Variants in CYRIB observed in about 807,000 individuals in gnomAD.
CYRIB encodes the protein CYFIP related Rac1 interactor B.
Under a neutral mutation model 44.2 loss-of-function variants are expected in CYRIB, and 8 were observed. The ratio of observed to expected loss-of-function variants is 0.18; its 90% CI spans 0.11 to 0.33. The LOEUF is 0.33. CYRIB is among the 10% of genes least tolerant of loss of function. The pLI, the probability that CYRIB is intolerant of heterozygous loss-of-function variation, is 1.00. For synonymous variants in CYRIB, 131 were observed against 127.2 expected, an observed-to-expected ratio of 1.03 and a Z score of -0.20; for missense variants, 185 against 382.8, an observed-to-expected ratio of 0.48 and a Z score of 4.31.
intron 1 of CYRIB, among the ~76,000 whole-genome samples, chr8:129,971,342 C>T (rs764493864): frequency 1.4e-4 from 22 of 152,184 alleles, no homozygotes; most frequent in African/African-American, 1.9e-4. Flanking sequence ...ATCCACCAGC[C>T]TTGACCTCCC....
At chr8:129,933,896 A>AG (rs1163942495) in intron 1 of CYRIB, among the ~76,000 whole-genome samples, 1 of 150,362 alleles carries the variant, frequency 6.7e-6, no homozygotes, top group Non-Finnish European at 1.5e-5. Context: ...ACAAAAAAAA[A>AG]AAGAAGAAGA....
intron 2 of CYRIB, among the ~76,000 whole-genome samples, chr8:129,950,180 A>G (rs895671237): frequency 6.6e-6 from 1 of 152,178 alleles, no homozygotes; most frequent in Non-Finnish European, 1.5e-5. Flanking sequence ...CTGTTTTAAT[A>G]TTCAAACTCG....
At chr8:129,926,174 T>C (rs1239312109) in intron 1 of CYRIB, among the ~76,000 whole-genome samples, 1 of 152,212 alleles carries the variant, frequency 6.6e-6, no homozygotes, top group Non-Finnish European at 1.5e-5. Flanking sequence ...TTCTAAATTT[T>C]CCATGAAAAG....
intron 5 of CYRIB, among the ~76,000 whole-genome samples, chr8:129,859,504 G>A (rs1317379773): frequency 6.6e-6 from 1 of 152,112 alleles, no homozygotes; most frequent in East Asian, 1.9e-4. Flanking sequence ...AGTCTGCTAA[G>A]TAGCGGGTGT....
At chr8:129,847,962 C>T (rs1305260079) in intron 10 of CYRIB, among the ~76,000 whole-genome samples, 4 of 151,982 alleles carry the variant, frequency 2.6e-5, no homozygotes, top group Non-Finnish European at 4.4e-5. Flanking sequence ...CCACCACACC[C>T]AGCTAATTTT....
At chr8:129,853,848 C>A (rs1339620722) in intron 7 of CYRIB, among the ~76,000 whole-genome samples, 1 of 152,176 alleles carries the variant, frequency 6.6e-6, no homozygotes, top group African/African-American at 2.4e-5. Context: ...CCATTAATTT[C>A]TTGGAGGAAA....
chr8:130,014,995 G>C (rs531972234), intron 1 of CYRIB, among the ~76,000 whole-genome samples: 1 of 152,190 alleles, frequency 6.6e-6, no homozygotes, highest in African/African-American at 2.4e-5. Flanking sequence ...TCAAAATGAC[G>C]CCTTCTTTTT....
intron 6 of CYRIB, 157 bp downstream of exon 8, chr8:129,855,454 G>A: frequency 4.6e-6 from 3 of 652,152 alleles, no homozygotes; most frequent in South Asian, 2.5e-5. Flanking sequence ...TGTATCAAAA[G>A]ACCCGTCATT....
intron 4 of CYRIB, among the ~76,000 whole-genome samples, chr8:129,870,567 GATATGGAATGTATGCCCC>G (rs1336296539): frequency 1.2e-4 from 19 of 152,288 alleles, no homozygotes; most frequent in South Asian, 2.1e-4. Context: ...AATCAAGGTG[GATATGGAATGTATGCCCC>G]ATATGGAATG....
chr8:130,010,218 C>G (rs1386178808), intron 1 of CYRIB, among the ~76,000 whole-genome samples: 1 of 152,186 alleles, frequency 6.6e-6, no homozygotes, highest in Non-Finnish European at 1.5e-5. Flanking sequence ...AGTGCCTAGT[C>G]CCCTGATGAA....
chr8:129,901,805 A>T (rs2072233599), intron 2 of CYRIB: 1 of 152,222 alleles, frequency 6.6e-6, no homozygotes, highest in African/African-American at 2.4e-5. Flanking sequence ...TGCACACAAC[A>T]TCTATTTAAA....
intron 4 of CYRIB, among the ~76,000 whole-genome samples, chr8:129,864,065 C>A (rs1319333648): frequency 1.3e-5 from 2 of 152,202 alleles, no homozygotes; most frequent in Non-Finnish European, 2.9e-5. Context: ...AACGGATGCT[C>A]TGAACAAATT....
upstream of CYRIB, among the ~76,000 whole-genome samples, chr8:129,943,592 C>CTTTTTTTTT (rs1172470025): frequency 1.0e-5 from 1 of 96,188 alleles, no homozygotes; most frequent in Non-Finnish European, 1.9e-5. Context: ...GAGACTCCAT[C>CTTTTTTTTT]TTTTTTTTTT....
chr8:129,877,478 T>C (rs1370179678), intron 3 of CYRIB, among the ~76,000 whole-genome samples: 3 of 152,006 alleles, frequency 2.0e-5, no homozygotes, highest in African/African-American at 7.3e-5. Flanking sequence ...TGAAACCCCA[T>C]CTCTACCAAA....
At chr8:129,869,092 G>T (rs192282683) in intron 4 of CYRIB, among the ~76,000 whole-genome samples, 4 of 148,670 alleles carry the variant, frequency 2.7e-5, no homozygotes, top group Non-Finnish European at 6.0e-5. Flanking sequence ...AAATAAAGAA[G>T]AAAGAAAAAA....
At chr8:129,946,952 C>T (rs961949583) in intron 2 of CYRIB, among the ~76,000 whole-genome samples, 14 of 152,180 alleles carry the variant, frequency 9.2e-5, no homozygotes, top group African/African-American at 1.7e-4. Context: ...AAGGTGAACC[C>T]CCCATCACCC....
At chr8:129,923,378 G>T (rs924910915) in intron 1 of CYRIB, among the ~76,000 whole-genome samples, 3 of 151,802 alleles carry the variant, frequency 2.0e-5, no homozygotes, top group Admixed American at 1.3e-4. Flanking sequence ...AGGTTCAAGC[G>T]ATTCTCGTTC....
At chr8:129,899,269 A>T (rs1283416131) in intron 2 of CYRIB, among the ~76,000 whole-genome samples, 3 of 152,184 alleles carry the variant, frequency 2.0e-5, no homozygotes, top group Admixed American at 2.0e-4. Context: ...AGGTCCCATA[A>T]TTATTTTCAA....
chr8:129,983,241 C>A (rs1424667679), intron 1 of CYRIB, among the ~76,000 whole-genome samples: 1 of 151,998 alleles, frequency 6.6e-6, no homozygotes, highest in Non-Finnish European at 1.5e-5. Flanking sequence ...GTCAGGAGAT[C>A]GAGACCATCC....
Sources: allele counts gnomAD v4.1 joint callset (sites outside exome capture counted in the v4.1 genomes callset), GRCh38; gene constraint gnomAD v4.1.1; transcripts MANE v1.5; gene names NCBI Gene and HGNC (gene_info 2026-07-23, HGNC 2026-07-21).